CNTNAP5: variants seen among roughly 807,000 people sequenced by gnomAD.
The protein encoded by CNTNAP5 is contactin associated protein family member 5.
Under a neutral mutation model 150.2 loss-of-function variants are expected in CNTNAP5, and 72 were observed. That is an observed-to-expected ratio of 0.48 (90% CI 0.40 to 0.58). The LOEUF is 0.58. Among genes scored for constraint, CNTNAP5 ranks in the 20% least tolerant of loss-of-function variants. The probability of loss-of-function intolerance (pLI) is 0.00; values close to 1 mark genes in which losing one functional copy is unlikely to be tolerated. For missense variants in CNTNAP5, 1,636 were observed against 1,626.2 expected, an observed-to-expected ratio of 1.01 and a Z score of -0.10; for synonymous variants, 672 against 619.8, an observed-to-expected ratio of 1.08 and a Z score of -1.25.
chr2:124,595,129 T>G (rs1352457787), intron 11 of CNTNAP5, among the ~76,000 whole-genome samples: 6 of 148,608 alleles, frequency 4.0e-5, no homozygotes, highest in Admixed American at 1.4e-4. Context: ...TACCCTTTAT[T>G]TCCTTCTCCT....
chr2:124,121,978 T>G (rs868995), intron 1 of CNTNAP5, among the ~76,000 whole-genome samples: 31,378 of 152,196 alleles, frequency 0.21, 3,565 homozygotes, highest in South Asian at 0.27. Context: ...TGTTCATTTT[T>G]CCTCCTCAGC....
chr2:124,884,871 A>G (rs1256239174), intron 21 of CNTNAP5, among the ~76,000 whole-genome samples: 1 of 152,024 alleles, frequency 6.6e-6, no homozygotes, highest in African/African-American at 2.4e-5. Context: ...TGGGGGATAT[A>G]AAGGGTACTT....
rs555001302 is a variant in CNTNAP5, at chr2:124,566,750, G to T, written c.1756+3427G>T. ...CTCTAACTAATTTCCCCCTCCCCCA[G>T]TTGAATGAGGACCATTGTTTTTAGT... On this transcript the variant is annotated intron_variant, in intron 11 of 23. Coordinates refer to ENST00000682447, the MANE Select transcript of CNTNAP5 (RefSeq NM_001367498.1). Among the ~76,000 whole-genome samples, 27 of 152,220 alleles carry T rather than the reference G, an allele frequency of 1.8e-4. 1 individual carries two copies. The South Asian group carries it at 5.6e-3, about 32-fold the overall frequency.
chr2:124,347,116 A>G (rs1689755600), intron 3 of CNTNAP5, among the ~76,000 whole-genome samples: 1 of 151,952 alleles, frequency 6.6e-6, no homozygotes, highest in African/African-American at 2.4e-5. Flanking sequence ...TAAATCCAGT[A>G]CTGTAAGATA....
At chr2:124,799,436 T>A (rs983367483) in intron 19 of CNTNAP5, among the ~76,000 whole-genome samples, 1 of 152,208 alleles carries the variant, frequency 6.6e-6, no homozygotes, top group Admixed American at 6.5e-5. Context: ...AACAGTATGA[T>A]ATAAAAAACA....
At chr2:124,158,963 A>G (rs1426949730) in intron 1 of CNTNAP5, among the ~76,000 whole-genome samples, 3 of 152,222 alleles carry the variant, frequency 2.0e-5, no homozygotes, top group Admixed American at 2.0e-4. Flanking sequence ...CTTACAGTTC[A>G]ACTTCTAGTC....
At chr2:124,592,603 G>T (rs1047683901) in intron 11 of CNTNAP5, among the ~76,000 whole-genome samples, 1 of 151,880 alleles carries the variant, frequency 6.6e-6, no homozygotes, top group East Asian at 1.9e-4. Context: ...AATTAGCAAT[G>T]ATCCAAAAGA....
chr2:124,502,419 A>T (rs938545843), intron 7 of CNTNAP5, among the ~76,000 whole-genome samples: 1 of 152,166 alleles, frequency 6.6e-6, no homozygotes, highest in African/African-American at 2.4e-5. Context: ...GGGTGAAGCT[A>T]AACTGGGTTT....
intron 3 of CNTNAP5, among the ~76,000 whole-genome samples, chr2:124,245,329 C>T (rs1452251184): frequency 2.0e-5 from 3 of 152,080 alleles, no homozygotes; most frequent in Admixed American, 2.0e-4. Context: ...TCAGATTACG[C>T]TGCTGGATTA....
intron 1 of CNTNAP5, among the ~76,000 whole-genome samples, chr2:124,080,908 T>TAA (rs2104674292): frequency 6.6e-6 from 1 of 152,290 alleles, no homozygotes; most frequent in East Asian, 1.9e-4. Context: ...CCAGTCACGA[T>TAA]AAGAACCCTT....
At chr2:124,624,754 AG>A (rs1445169847) in intron 12 of CNTNAP5, among the ~76,000 whole-genome samples, 19 of 152,200 alleles carry the variant, frequency 1.2e-4, no homozygotes, top group African/African-American at 4.3e-4. Context: ...AATAGTACAA[AG>A]GAAACAGGGG....
At chr2:124,041,123 G>A (rs186436920) in intron 1 of CNTNAP5, among the ~76,000 whole-genome samples, 54 of 152,254 alleles carry the variant, frequency 3.5e-4, no homozygotes, top group Non-Finnish European at 5.4e-4. Context: ...CATTAGTAAA[G>A]TTAATCCAAA....
intron 8 of CNTNAP5, among the ~76,000 whole-genome samples, chr2:124,523,377 A>T (rs1344838620): frequency 6.6e-6 from 1 of 152,236 alleles, no homozygotes; most frequent in East Asian, 1.9e-4. Context: ...CTTGCCACAG[A>T]AAGTCTTTGT....
At chr2:124,714,991 A>G (rs1679914419) in intron 13 of CNTNAP5, among the ~76,000 whole-genome samples, 1 of 152,210 alleles carries the variant, frequency 6.6e-6, no homozygotes, top group Non-Finnish European at 1.5e-5. Flanking sequence ...ACAATTTCAC[A>G]TAAGGGATGA....
At chr2:124,713,001 C>A (rs984549016) in intron 13 of CNTNAP5, among the ~76,000 whole-genome samples, 6 of 152,104 alleles carry the variant, frequency 3.9e-5, no homozygotes, top group African/African-American at 1.4e-4. Flanking sequence ...CCTCCTAATA[C>A]CATCATCTTG....
chr2:124,831,847 A>T (rs1682723247), intron 19 of CNTNAP5, among the ~76,000 whole-genome samples: 1 of 152,000 alleles, frequency 6.6e-6, no homozygotes, highest in African/African-American at 2.4e-5. Context: ...ATTACTTATG[A>T]AAACTGACAT....
chr2:124,437,239 G>A (rs1208928452), intron 5 of CNTNAP5, among the ~76,000 whole-genome samples: 1 of 152,076 alleles, frequency 6.6e-6, no homozygotes, highest in Admixed American at 6.6e-5. Context: ...CATTATTCCT[G>A]TTGGGCTTGT....
chr2:124,225,073 G>A (rs535772490), intron 2 of CNTNAP5, among the ~76,000 whole-genome samples: 1 of 152,268 alleles, frequency 6.6e-6, no homozygotes, highest in South Asian at 2.1e-4. Flanking sequence ...TATACATGCA[G>A]ATGTAAAGGA....
chr2:124,090,307 G>T (rs1682784572), intron 1 of CNTNAP5, among the ~76,000 whole-genome samples: 1 of 152,092 alleles, frequency 6.6e-6, no homozygotes, highest in African/African-American at 2.4e-5. Context: ...ACTCTTTGGG[G>T]GAGGATATTG....
Sources: allele counts gnomAD v4.1 joint callset (sites outside exome capture counted in the v4.1 genomes callset), GRCh38; gene constraint gnomAD v4.1.1; transcripts MANE v1.5; gene names NCBI Gene and HGNC (gene_info 2026-07-23, HGNC 2026-07-21).